JAKMIP2: variants seen among roughly 807,000 people sequenced by gnomAD.
JAKMIP2 encodes janus kinase and microtubule-interacting protein 2.
A neutral mutation model predicts 115.0 loss-of-function variants in JAKMIP2; 25 were observed. That is an observed-to-expected ratio of 0.22 (90% CI 0.16 to 0.30). The LOEUF is 0.30. JAKMIP2 is among the 10% of genes least tolerant of loss of function. The pLI, the probability that JAKMIP2 is intolerant of heterozygous loss-of-function variation, is 1.00. For missense variants in JAKMIP2, 642 were observed against 957.6 expected (o/e 0.67, Z 4.35); for synonymous variants, 334 against 343.6 (o/e 0.97, Z 0.31).
At chr5:147,767,392 G>A (rs1206153234) in intron 1 of JAKMIP2, among the ~76,000 whole-genome samples, 1 of 152,074 alleles carries the variant, frequency 6.6e-6, no homozygotes, top group African/African-American at 2.4e-5. Flanking sequence ...TCACTTAAAG[G>A]AAAATAAACA....
chr5:147,740,292 A>G (rs754897607), intron 1 of JAKMIP2, among the ~76,000 whole-genome samples: 9 of 152,240 alleles, frequency 5.9e-5, no homozygotes, highest in Non-Finnish European at 8.8e-5. Context: ...CAAGACATAC[A>G]CTAATCACAG....
At chr5:147,775,996 C>G (rs2436408) in intron 1 of JAKMIP2, among the ~76,000 whole-genome samples, 113,665 of 152,036 alleles carry the variant, frequency 0.75, 43,233 homozygotes, top group African/African-American at 0.89. Context: ...GAGAGTAAAA[C>G]GGGATATATA....
intron 1 of JAKMIP2, among the ~76,000 whole-genome samples, chr5:147,752,278 AG>A (rs755172287): frequency 2.6e-5 from 4 of 152,182 alleles, no homozygotes; most frequent in Admixed American, 6.5e-5. Context: ...TGGGGCCAAA[AG>A]GGGTGCTGGA....
chr5:147,635,505 T>G (rs1757572231), intron 12 of JAKMIP2, among the ~76,000 whole-genome samples: 1 of 152,228 alleles, frequency 6.6e-6, no homozygotes, highest in Non-Finnish European at 1.5e-5. Context: ...GGAGTCATAC[T>G]CTGTCACTTC....
At chr5:147,651,209 A>G (rs964896903) in intron 3 of JAKMIP2, among the ~76,000 whole-genome samples, 2 of 145,702 alleles carry the variant, frequency 1.4e-5, no homozygotes, top group Non-Finnish European at 3.1e-5. Flanking sequence ...TAACAGGAAT[A>G]GAAAATATCT....
chr5:147,603,150 G>A (rs1755801346), intron 20 of JAKMIP2, among the ~76,000 whole-genome samples: 1 of 152,164 alleles, frequency 6.6e-6, no homozygotes, highest in Non-Finnish European at 1.5e-5. Context: ...CGTGTGGTGG[G>A]CAGATCATGC....
In JAKMIP2 at chr5:147,754,414, C is replaced by T. The variant is rs138426602; in HGVS notation, c.-149+28042G>A. Among the ~76,000 whole-genome samples, 173 of 152,096 alleles carry T rather than the reference C, an allele frequency of 1.1e-3. 1 individual carries two copies. The highest frequency in any genetic ancestry group is 4.0e-3 in the African/African-American group (164 of 41,482). Reference sequence around the variant, plus strand: ...AGGAAGACCCATAAAAATAATATATCGAGACACATGCTATAATAGAAGGAT... The same window carrying T: ...AGGAAGACCCATAAAAATAATATATTGAGACACATGCTATAATAGAAGGAT... On this transcript the variant is annotated intron_variant, in intron 1 of 21. Transcript: ENST00000616793.
At chr5:147,721,045 G>C (rs954840724) in intron 1 of JAKMIP2, among the ~76,000 whole-genome samples, 29 of 152,168 alleles carry the variant, frequency 1.9e-4, no homozygotes, top group Non-Finnish European at 3.5e-4. Context: ...TGTCCTTTCT[G>C]TTTGTTAGTT....
intron 2 of JAKMIP2, among the ~76,000 whole-genome samples, chr5:147,666,186 A>G (rs1431082663): frequency 6.6e-6 from 1 of 152,158 alleles, no homozygotes; most frequent in African/African-American, 2.4e-5. Context: ...TTCTGAAGAA[A>G]AGCCAAACAA....
At chr5:147,744,923 T>A (rs1754295082) in intron 1 of JAKMIP2, among the ~76,000 whole-genome samples, 1 of 151,898 alleles carries the variant, frequency 6.6e-6, no homozygotes, top group Non-Finnish European at 1.5e-5. Flanking sequence ...CTGGGCATGG[T>A]GGTGCGTGCC....
chr5:147,744,763 T>C (rs1300026061), intron 1 of JAKMIP2, among the ~76,000 whole-genome samples: 1 of 152,060 alleles, frequency 6.6e-6, no homozygotes, highest in Non-Finnish European at 1.5e-5. Flanking sequence ...TGTGTGGATA[T>C]AGTTTAAAAG....
chr5:147,743,351 C>T (rs1360049402), intron 1 of JAKMIP2, among the ~76,000 whole-genome samples: 6 of 152,184 alleles, frequency 3.9e-5, no homozygotes, highest in Admixed American at 3.9e-4. Flanking sequence ...GCTGATGGTA[C>T]TTGAATAGTA....
intron 1 of JAKMIP2, among the ~76,000 whole-genome samples, chr5:147,716,158 T>C (rs1164917746): frequency 6.9e-6 from 1 of 144,438 alleles, no homozygotes; most frequent in Non-Finnish European, 1.5e-5. Context: ...TCCATGTCCC[T>C]ACAAAGGACA....
intron 1 of JAKMIP2, among the ~76,000 whole-genome samples, chr5:147,722,135 T>C (rs6881345): frequency 0.02 from 2,983 of 152,334 alleles, 39 homozygotes; most frequent in Middle Eastern, 0.034. Flanking sequence ...GGCTCCTCCA[T>C]ATCTATAACA....
chr5:147,654,760 G>A (rs1057336368), intron 3 of JAKMIP2, among the ~76,000 whole-genome samples: 1 of 152,192 alleles, frequency 6.6e-6, no homozygotes, highest in Non-Finnish European at 1.5e-5. Context: ...TTGACTAGGA[G>A]TGGTGAGAGA....
chr5:147,767,179 T>C (rs1755185652), intron 1 of JAKMIP2, among the ~76,000 whole-genome samples: 1 of 152,160 alleles, frequency 6.6e-6, no homozygotes, highest in South Asian at 2.1e-4. Flanking sequence ...CAACATTGTG[T>C]GTGCACACGC....
chr5:147,702,553 G>GAAGAAAGAAAGAAAGAAAGA (rs140762384), intron 1 of JAKMIP2, among the ~76,000 whole-genome samples: 2 of 104,102 alleles, frequency 1.9e-5, no homozygotes, highest in African/African-American at 9.0e-5. Context: ...GACAAAGAAA[G>GAAGAAAGAAAGAAAGAAAGA]AAGAAAGAAA....
intron 5 of JAKMIP2, among the ~76,000 whole-genome samples, chr5:147,645,340 C>T (rs751120708): frequency 1.3e-5 from 2 of 152,120 alleles, no homozygotes; most frequent in Non-Finnish European, 2.9e-5. Flanking sequence ...GCTGCAATCC[C>T]TGCACCTGGA....
chr5:147,770,594 T>C (rs2127073664), intron 1 of JAKMIP2, among the ~76,000 whole-genome samples: 1 of 152,250 alleles, frequency 6.6e-6, no homozygotes, highest in Admixed American at 6.5e-5. Flanking sequence ...ACAGAAACTA[T>C]ATTGTTCATA....
Sources: allele counts gnomAD v4.1 joint callset (sites outside exome capture counted in the v4.1 genomes callset), GRCh38; gene constraint gnomAD v4.1.1; transcripts MANE v1.5; gene names NCBI Gene and HGNC (gene_info 2026-07-23, HGNC 2026-07-21).